The following PPP1R13B variants were observed in gnomAD, a reference collection of about 807,000 sequenced individuals.
The protein encoded by PPP1R13B is apoptosis-stimulating of p53 protein 1.
A neutral mutation model predicts 119.8 loss-of-function variants in PPP1R13B; 44 were observed. The observed-to-expected ratio is 0.37, with a 90% CI of 0.29 to 0.47. The LOEUF (loss-of-function observed/expected upper bound fraction) is 0.47, where lower values mean the gene tolerates loss of function less well. PPP1R13B is among the 20% of genes least tolerant of loss of function. The pLI, the probability that PPP1R13B is intolerant of heterozygous loss-of-function variation, is 0.99. For missense variants in PPP1R13B, 1,227 were observed against 1,413.5 expected (o/e 0.87, Z 2.12); for synonymous variants, 542 against 561.5 (o/e 0.97, Z 0.49).
chr14:103,794,665 T>TAAA (rs557361588), intron 2 of PPP1R13B: 24 of 395,526 alleles, frequency 6.1e-5, no homozygotes, highest in African/African-American at 4.6e-4. Flanking sequence ...CTCTGAAACC[T>TAAA]AAAAAAAAAA....
chr14:103,847,686 G>A (rs1256937693), upstream of PPP1R13B: 18 of 926,922 alleles, frequency 1.9e-5, no homozygotes, highest in South Asian at 7.3e-4. Flanking sequence ...AGCGGGGGCG[G>A]GGAGAGGGGC....
chr14:103,844,150 C>T (rs1280610078), intron 1 of PPP1R13B, among the ~76,000 whole-genome samples: 2 of 151,754 alleles, frequency 1.3e-5, no homozygotes, highest in African/African-American at 4.8e-5. Context: ...GTCTGTGGTC[C>T]CAGCTACTCG....
Position 103,787,306 on chromosome 14 carries a change from G to A in PPP1R13B, c.158-2392C>T, listed in dbSNP as rs1248819792. ...TCTACTAAAAATACAAAAATTAGCC[G>A]GGCATGGTGGCGCATGCCTGTGGTT... On this transcript the variant is annotated intron_variant, in intron 2 of 16. Transcript: ENST00000202556. Among the ~76,000 whole-genome samples the A allele has an allele frequency of 2.6e-5, 4 of 151,794 alleles. No individual in the cohort carries two copies. In the South Asian group the frequency reaches 6.3e-4, roughly 24 times the overall value.
chr14:103,843,733 T>A (rs1595853164), intron 1 of PPP1R13B, among the ~76,000 whole-genome samples: 1 of 152,088 alleles, frequency 6.6e-6, no homozygotes. Context: ...GGCAGGCAGA[T>A]CACAAGGTCA....
chr14:103,736,138 G>C lies in PPP1R13B; in HGVS notation c.3096C>G (p.Ala1032=), dbSNP rs778084860. Residue 1032 remains alanine, a synonymous_variant, in exon 16 of 17, where the codon GCC becomes GCG. Coordinates refer to ENST00000202556, the MANE Select transcript of PPP1R13B (RefSeq NM_015316.3). ...GGAAGGACAGCTCGTCACTGTTCTG[G>C]GCCTCGTAGTCCCACAGAGCATACG... The part of the protein sequence containing the change: ...GVAYALWDYE[A]QNSDELSFHE... The C allele has an allele frequency of 1.2e-6, 2 of 1,614,052 alleles. No individual in the cohort carries two copies. Among genetic ancestry groups the C allele is most frequent in the African/African-American group, 1.3e-5 (1 of 74,916 alleles).
chr14:103,848,136 G>A (rs2087116495), upstream of PPP1R13B: 1 of 687,974 alleles, frequency 1.5e-6, no homozygotes, highest in African/African-American at 2.0e-5. Flanking sequence ...GCCCTTGGCT[G>A]GCACCTGCTT....
intron 4 of PPP1R13B, among the ~76,000 whole-genome samples, chr14:103,778,066 C>T (rs2152015175): frequency 6.6e-6 from 1 of 151,942 alleles, no homozygotes; most frequent in Middle Eastern, 3.4e-3. Context: ...ATTCTCCTGC[C>T]TCAGCCTCCT....
rs2084286829 is a variant in PPP1R13B, at chr14:103,742,599, A to G, written c.1320+55T>C. On this transcript the variant is annotated intron_variant, in intron 10 of 16. Transcript: ENST00000202556. The surrounding 1 kb of genome is among the most constrained non-coding windows in gnomAD (Gnocchi z 4.9). ...ACCCTTTAGCTTAGTACTAAGGCAGAAGAGAGCCCTGTTGAAGAGCCCGCT... is the reference window on the plus strand; with the variant it reads ...ACCCTTTAGCTTAGTACTAAGGCAGGAGAGAGCCCTGTTGAAGAGCCCGCT... 1 of 1,582,798 alleles carries G rather than the reference A, an allele frequency of 6.3e-7. No homozygotes were observed. The highest frequency in any genetic ancestry group is 8.6e-7 in the Non-Finnish European group (1 of 1,164,890).
chr14:103,733,311 C>T lies in PPP1R13B; in HGVS notation c.*1843G>A, dbSNP rs1423394276. ...AAACTATTTTTAGCATAATATATAC[C>T]ATTTTTATGAGTTCGCAGGTCTACT... is the stretch of plus-strand genomic sequence containing the variant. On this transcript the variant is annotated 3_prime_UTR_variant, in exon 17 of 17. Transcript: ENST00000202556. The T allele has an allele frequency of 5.6e-6, 2 of 356,518 alleles. No homozygotes were observed. Among genetic ancestry groups the T allele is most frequent in the Admixed American group, 4.3e-5 (1 of 23,232 alleles). 22.1% of individuals were successfully genotyped at this position (356,518 alleles called of 1,614,324 possible).
intron 15 of PPP1R13B, chr14:103,737,416 A>G (rs2084141020): frequency 3.3e-6 from 1 of 299,674 alleles, no homozygotes; most frequent in Non-Finnish European, 6.1e-6. Context: ...AAAAAAAAAA[A>G]GTACAAAAAA....
chr14:103,808,439 A>C (rs2086069514), intron 1 of PPP1R13B, among the ~76,000 whole-genome samples: 1 of 152,174 alleles, frequency 6.6e-6, no homozygotes, highest in African/African-American at 2.4e-5. Flanking sequence ...AATGATAGCC[A>C]ATGAGTTAGA....
In PPP1R13B at chr14:103,808,622, GAGTTC is replaced by G. The variant is rs146205397; in HGVS notation, c.10-11109_10-11105del. 8.0e-3 allele frequency among the ~76,000 whole-genome samples: 1,211 copies of G among 152,232 alleles called. 17 individuals are homozygous for G. The highest frequency in any genetic ancestry group is 0.028 in the African/African-American group (1,156 of 41,524). ...GGTGGCACTGCAGGGTAACGGGGGT[GAGTTC>G]AGCACTACCCCCTTCCCCTGACACA... On this transcript the variant is annotated intron_variant, in intron 1 of 16. Transcript: ENST00000202556.
In PPP1R13B at chr14:103,797,361, T is replaced by C; in HGVS notation, c.157+10A>G. On this transcript the variant is annotated intron_variant, in intron 2 of 16. Transcript: ENST00000202556. ...TCAATGTAACAATCTTTACAGGACC[T>C]AATACATACCATTTCCCCTCCACAC... 2 of 1,613,330 alleles carry C rather than the reference T, an allele frequency of 1.2e-6. No individual in the cohort carries two copies. Among genetic ancestry groups the C allele is most frequent in the Non-Finnish European group, 1.7e-6 (2 of 1,179,710 alleles).
intron 1 of PPP1R13B, among the ~76,000 whole-genome samples, chr14:103,802,443 A>AACAAGC (rs1359502976): frequency 2.6e-5 from 4 of 152,224 alleles, no homozygotes; most frequent in African/African-American, 9.6e-5. Context: ...GTTCACTAGC[A>AACAAGC]ACAAGCAGAA....
chr14:103,741,299 C>T (rs1384025468), intron 11 of PPP1R13B, among the ~76,000 whole-genome samples: 2 of 152,242 alleles, frequency 1.3e-5, no homozygotes, highest in Non-Finnish European at 2.9e-5. Flanking sequence ...CTTCTTAGAA[C>T]ATCTGAGCTC....
At chr14:103,836,662 C>G (rs763732201) in intron 1 of PPP1R13B, among the ~76,000 whole-genome samples, 17 of 151,362 alleles carry the variant, frequency 1.1e-4, no homozygotes, top group African/African-American at 3.9e-4. Flanking sequence ...CTCAGCTACT[C>G]GGGAGGCTGA....
At chr14:103,780,338 T>A (rs952821868) in intron 3 of PPP1R13B, among the ~76,000 whole-genome samples, 1 of 150,052 alleles carries the variant, frequency 6.7e-6, no homozygotes, top group African/African-American at 2.5e-5. Context: ...ATACAAAAAA[T>A]TAGCTGGGCG....
intron 8 of PPP1R13B, among the ~76,000 whole-genome samples, chr14:103,748,439 C>T (rs1264566370): frequency 3.9e-5 from 6 of 152,196 alleles, no homozygotes; most frequent in Non-Finnish European, 8.8e-5. Context: ...GCCTTCAAGC[C>T]CATGCTGCCT....
rs2084238330 is a variant in PPP1R13B at position 103,740,772 on chromosome 14, CCTT to C, written c.1823-182_1823-180del. Among the ~76,000 whole-genome samples the C allele has an allele frequency of 6.6e-6, 1 of 152,204 alleles. No individual in the cohort carries two copies. Among genetic ancestry groups the C allele is most frequent in the Admixed American group, 6.5e-5 (1 of 15,290 alleles). On this transcript the variant is annotated intron_variant, in intron 11 of 16. Transcript: ENST00000202556. This position sits in a 1 kb window ranked among gnomAD's most constrained non-coding sequence, Gnocchi z 4.6. ...CCCCCTCTTAGAGCCTCCACTGACTCCTTCTGAAAGGTGCAGTGCCTCTCTAAT... is the reference window on the plus strand; with the variant it reads ...CCCCCTCTTAGAGCCTCCACTGACTCCTGAAAGGTGCAGTGCCTCTCTAAT...
Sources: gnomAD v4.1 joint callset for allele counts (sites outside exome capture counted in the v4.1 genomes callset) on GRCh38, gnomAD v4.1.1 for gene constraint, Gnocchi (gnomAD v3.1) non-coding constraint, MANE v1.5 for transcripts, NCBI Gene and HGNC (gene_info 2026-07-23, HGNC 2026-07-21) for gene names.